SPINK14: variants seen among roughly 807,000 people sequenced by gnomAD.
The protein encoded by SPINK14 is serine peptidase inhibitor Kazal type 14 (putative).
A neutral mutation model predicts 14.2 loss-of-function variants in SPINK14; 6 were observed. The observed-to-expected ratio is 0.42, with a 90% CI of 0.23 to 0.83. SPINK14 has a LOEUF of 0.83. SPINK14 is among the 40% of genes least tolerant of loss of function. The pLI is 0.28. For synonymous variants in SPINK14, 34 were observed against 36.8 expected (o/e 0.92, Z 0.27); for missense variants, 86 against 108.3 (o/e 0.79, Z 0.91).
At chr5:148,171,933 A>G (rs976777755) in intron 3 of SPINK14, among the ~76,000 whole-genome samples, 3 of 152,162 alleles carry the variant, frequency 2.0e-5, no homozygotes, top group East Asian at 1.9e-4. Flanking sequence ...ATAAACAATA[A>G]TAAATGCGCT....
chr5:148,172,644 T>C (rs1186704577), intron 3 of SPINK14, among the ~76,000 whole-genome samples: 1 of 152,124 alleles, frequency 6.6e-6, no homozygotes, highest in Non-Finnish European at 1.5e-5. Flanking sequence ...ATTAAACAAA[T>C]GCGTTGTTAC....
In SPINK14 at chr5:148,175,535, G is replaced by T. The variant is rs149694697; in HGVS notation, c.*137G>T. 641 of 644,540 alleles carry T rather than the reference G, an allele frequency of 9.9e-4. 5 individuals carry two copies. The African/African-American group carries it at 0.011, about 11-fold the overall frequency. 39.9% of individuals were successfully genotyped at this position (644,540 alleles called of 1,614,324 possible). On this transcript the variant is annotated 3_prime_UTR_variant, in exon 5 of 5. Transcript: ENST00000356972. ...ATCACTACTGAGCTTGTAGCAGATT[G>T]TTCAAAGTTCCTTCCATGGACCTCT...
intron 3 of SPINK14, among the ~76,000 whole-genome samples, chr5:148,172,621 G>A (rs770957685): frequency 2.0e-5 from 3 of 152,062 alleles, no homozygotes; most frequent in Non-Finnish European, 4.4e-5. Context: ...GGGGGTGTGG[G>A]ATTAGTTAAA....
intron 3 of SPINK14, among the ~76,000 whole-genome samples, chr5:148,173,079 G>A (rs1196448137): frequency 6.6e-6 from 1 of 151,464 alleles, no homozygotes; most frequent in Admixed American, 6.6e-5. Context: ...AGGAAATGGA[G>A]GGATTAGTTG....
At chr5:148,175,259 T>C (rs1308182298) in intron 4 of SPINK14, 94 bp from the exon 5 acceptor site, 1 of 829,010 alleles carries the variant, frequency 1.2e-6, no homozygotes. Flanking sequence ...TTTCCAAATA[T>C]AAAACCAGGT....
chr5:148,170,177 C>T (rs1358073626), intron 2 of SPINK14, among the ~76,000 whole-genome samples: 4 of 144,152 alleles, frequency 2.8e-5, no homozygotes, highest in East Asian at 2.0e-4. Context: ...TATATATACA[C>T]ACACACACAC....
intron 3 of SPINK14, among the ~76,000 whole-genome samples, chr5:148,173,855 ATT>A (rs748334872): frequency 1.5e-4 from 10 of 68,452 alleles, no homozygotes; most frequent in African/African-American, 2.0e-4. Context: ...CTATGCTTAG[ATT>A]TTTTTTTTTT....
chr5:148,170,702 C>G (rs995071499), intron 2 of SPINK14, among the ~76,000 whole-genome samples: 1 of 152,182 alleles, frequency 6.6e-6, no homozygotes, highest in Non-Finnish European at 1.5e-5. Flanking sequence ...GGACTGCCAG[C>G]CTTTATGAAA....
chr5:148,171,265 T>G (rs1755102419), intron 3 of SPINK14, among the ~76,000 whole-genome samples: 1 of 152,148 alleles, frequency 6.6e-6, no homozygotes, highest in South Asian at 2.1e-4. Flanking sequence ...TAAGAGCCTA[T>G]GGACTTGGGC....
intron 3 of SPINK14, among the ~76,000 whole-genome samples, chr5:148,172,900 G>A (rs1338538297): frequency 6.6e-6 from 1 of 152,098 alleles, no homozygotes; most frequent in Non-Finnish European, 1.5e-5. Flanking sequence ...GGTAGTATCA[G>A]GTAAGGGCGG....
At chr5:148,171,695 T>G (rs1755107443) in intron 3 of SPINK14, among the ~76,000 whole-genome samples, 1 of 152,158 alleles carries the variant, frequency 6.6e-6, no homozygotes, top group African/African-American at 2.4e-5. Flanking sequence ...ATTTCTTCTT[T>G]GTAAAAAAGT....
rs13328140 is a variant in SPINK14, at chr5:148,170,175, C to T, written c.67+376C>T. On this transcript the variant is annotated intron_variant, in intron 2 of 4. Coordinates refer to ENST00000356972, the MANE Select transcript of SPINK14 (RefSeq NM_001001325.2). ...TACTCAGAGTATATATATATATATA[C>T]ACACACACACACACACACACATACA... Among the ~76,000 whole-genome samples, 963 of 136,988 alleles carry T rather than the reference C, an allele frequency of 7.0e-3. 12 individuals are homozygous for T. The highest frequency in any genetic ancestry group is 0.033 in the East Asian group (156 of 4,706). The allele number at this position is 136,988 out of a possible 152,430, so 89.9% of individuals were successfully genotyped here.
At chr5:148,172,098 T>C (rs539509419) in intron 3 of SPINK14, among the ~76,000 whole-genome samples, 4 of 152,252 alleles carry the variant, frequency 2.6e-5, no homozygotes, top group African/African-American at 7.2e-5. Flanking sequence ...GTAAATTTTA[T>C]AAATACAAGA....
In SPINK14 at chr5:148,174,662, T is replaced by C. The variant is rs1561721849; in HGVS notation, c.248+292T>C. On this transcript the variant is annotated intron_variant, in intron 4 of 4. Transcript: ENST00000356972. The stretch of plus-strand genomic sequence containing the variant: ...ACTCGAGAAGCTCTCAAATATCCCT[T>C]CAGGCCCTGAATTATTTTTTATTTT... 7.8e-5 allele frequency among the ~76,000 whole-genome samples: 2 copies of C among 25,564 alleles called. 1 individual carries two copies. Among genetic ancestry groups the C allele is most frequent in the African/African-American group, 4.3e-4 (2 of 4,656 alleles). The allele number at this position is 25,564 out of a possible 152,430, so 16.8% of individuals were successfully genotyped here.
Position 148,174,313 on chromosome 5 carries a change from T to A in SPINK14, c.191T>A (p.Ile64Asn), listed in dbSNP as rs762030141. Residue 64 changes from isoleucine to asparagine, a missense_variant, in exon 4 of 5, where the codon ATC becomes AAC. By Grantham distance (149) the Ile-to-Asn change is moderately radical. Transcript: ENST00000356972. ...CCCTGCCCTGGCTTATATCAACCCA[T>A]CTGCGGCACCAATTTTATAACCTAT... Reference protein sequence around the residue: ...VNPCPGLYQPICGTNFITYDN... With the variant: ...VNPCPGLYQPNCGTNFITYDN... 2 of 1,114,084 alleles carry A rather than the reference T, an allele frequency of 1.8e-6. No homozygotes were observed. Among genetic ancestry groups the A allele is most frequent in the Non-Finnish European group, 1.2e-6 (1 of 810,864 alleles). The allele number at this position is 1,114,084 out of a possible 1,614,324, so 69.0% of individuals were successfully genotyped here.
In SPINK14 at chr5:148,170,918, T is replaced by A; in HGVS notation, c.68-12T>A. Reference sequence around the variant, plus strand: ...GAATTAAATTCTGTAACTATTTTCATGTATTCTCTAGTTTCAGGCCCTAGA... The same window carrying A: ...GAATTAAATTCTGTAACTATTTTCAAGTATTCTCTAGTTTCAGGCCCTAGA... On this transcript the variant is annotated splice_polypyrimidine_tract_variant and intron_variant, in intron 2 of 4. Coordinates refer to ENST00000356972, the MANE Select transcript of SPINK14 (RefSeq NM_001001325.2). 6.2e-7 allele frequency: 1 copy of A among 1,608,526 alleles called. No homozygotes were observed. Among genetic ancestry groups the A allele is most frequent in the South Asian group, 1.1e-5 (1 of 90,850 alleles).
intron 2 of SPINK14, 94 bp from the exon 3 acceptor site, chr5:148,170,836 T>C (rs1197283922): frequency 4.5e-6 from 5 of 1,112,300 alleles, no homozygotes; most frequent in Non-Finnish European, 6.6e-6. Context: ...GAAAACTTCC[T>C]TGATAATAAA....
chr5:148,172,819 G>A (rs2113282593), intron 3 of SPINK14, among the ~76,000 whole-genome samples: 1 of 152,064 alleles, frequency 6.6e-6, no homozygotes, highest in Non-Finnish European at 1.5e-5. Context: ...AGACCTTGAG[G>A]TGAGGGAAAG....
At chr5:148,169,253 C>A (rs1337396427) in intron 1 of SPINK14, among the ~76,000 whole-genome samples, 1 of 152,092 alleles carries the variant, frequency 6.6e-6, no homozygotes, top group East Asian at 1.9e-4. Flanking sequence ...AAGAGGTATT[C>A]TTTGCTTGAC....
Sources: gnomAD v4.1 joint callset for allele counts (sites outside exome capture counted in the v4.1 genomes callset) on GRCh38, gnomAD v4.1.1 for gene constraint, MANE v1.5 for transcripts, NCBI Gene and HGNC (gene_info 2026-07-23, HGNC 2026-07-21) for gene names.